The following CSMD3 variants were observed in gnomAD, a reference collection of about 807,000 sequenced individuals.
The protein encoded by CSMD3 is CUB and Sushi multiple domains 3, also known as CUB and sushi domain-containing protein 3.
Under a neutral mutation model 435.2 loss-of-function variants are expected in CSMD3, and 177 were observed. The ratio of observed to expected loss-of-function variants is 0.41; its 90% confidence interval spans 0.36 to 0.46. CSMD3 has a LOEUF of 0.46. Ranked by LOEUF, CSMD3 falls within the 20% of genes least tolerant of loss-of-function variation. The probability of loss-of-function intolerance (pLI) is 0.34; values close to 1 mark genes in which losing one functional copy is unlikely to be tolerated. For missense variants in CSMD3, 4,265 were observed against 4,504.6 expected (o/e 0.95, Z 1.52); for synonymous variants, 1,656 against 1,520.5 (o/e 1.09, Z -2.07).
intron 24 of CSMD3, among the ~76,000 whole-genome samples, chr8:112,566,250 A>G (rs1487143204): frequency 1.1e-4 from 16 of 152,036 alleles, no homozygotes; most frequent in Non-Finnish European, 2.9e-5. Flanking sequence ...CTTGTTAGCT[A>G]TGTGACCTTG....
chr8:113,380,795 C>T (rs1450290359), intron 1 of CSMD3, among the ~76,000 whole-genome samples: 1 of 152,160 alleles, frequency 6.6e-6, no homozygotes, highest in East Asian at 1.9e-4. Flanking sequence ...TAGTCTCCTG[C>T]TGTCTTTGAT....
At position 113,271,985 on chromosome 8, in the gene CSMD3, C is replaced by G. The variant is rs1001066273; in HGVS notation, c.514+6607G>C. Among the ~76,000 whole-genome samples, 3 of 152,262 alleles carry G rather than the reference C, an allele frequency of 2.0e-5. No homozygotes were observed. In the East Asian group the frequency reaches 5.8e-4, roughly 29 times the overall value. On this transcript the variant is annotated intron_variant, in intron 3 of 70. Coordinates refer to ENST00000297405, the MANE Select transcript of CSMD3 (RefSeq NM_198123.2). ...ATCATTTTCGAACTTTCAAATTTGA[C>G]TGCCCCACAGGATTTCAGACTTGCA...
chr8:113,100,191 C>T (rs1341181986), intron 4 of CSMD3, among the ~76,000 whole-genome samples: 2 of 151,998 alleles, frequency 1.3e-5, no homozygotes, highest in Admixed American at 6.6e-5. Context: ...TAAGTATGTT[C>T]GTCTTAAAAT....
At chr8:113,096,541 A>G (rs771846844) in intron 5 of CSMD3, among the ~76,000 whole-genome samples, 6 of 151,994 alleles carry the variant, frequency 3.9e-5, no homozygotes, top group African/African-American at 2.4e-5. Context: ...TATTCTCCAC[A>G]CGGTAGCCAC....
intron 38 of CSMD3, among the ~76,000 whole-genome samples, chr8:112,368,900 G>C (rs1204289745): frequency 6.6e-6 from 1 of 152,098 alleles, no homozygotes; most frequent in Non-Finnish European, 1.5e-5. Context: ...ATACCTCTAT[G>C]AAACATTTAG....
At chr8:113,094,473 T>G (rs188560196) in intron 5 of CSMD3, among the ~76,000 whole-genome samples, 347 of 152,292 alleles carry the variant, frequency 2.3e-3, no homozygotes, top group African/African-American at 8.0e-3. Flanking sequence ...TCATTAATTT[T>G]TCAATGTCTG....
At chr8:112,596,936 C>T (rs1020487968) in intron 22 of CSMD3, among the ~76,000 whole-genome samples, 1 of 151,542 alleles carries the variant, frequency 6.6e-6, no homozygotes, top group African/African-American at 2.4e-5. Flanking sequence ...AATTGACACC[C>T]TAACATCACA....
Position 112,224,772 on chromosome 8 carries a change from T to C in CSMD3, c.11123A>G (p.Ter3708=), listed in dbSNP as rs766437541. The change falls in exon 71 of 71, where the codon TAA becomes TGA. Residue 3708 remains the stop codon, a stop_retained_variant. Transcript: ENST00000297405. Reference sequence around the variant, plus strand: ...CTGAAGAAGGCAAAGGTTGCCTCGTTATACCATTGTGCAAACCGTGTTCAA... The same window carrying C: ...CTGAAGAAGGCAAAGGTTGCCTCGTCATACCATTGTGCAAACCGTGTTCAA... ...PNLNTVCTMV[*] The C allele has an allele frequency of 5.0e-6, 8 of 1,614,064 alleles. No homozygotes were observed. The South Asian group carries it at 6.6e-5, about 13-fold the overall frequency.
intron 31 of CSMD3, among the ~76,000 whole-genome samples, chr8:112,483,099 G>T (rs954097982): frequency 1.3e-5 from 2 of 152,084 alleles, no homozygotes; most frequent in African/African-American, 4.8e-5. Context: ...TCTTGCTATT[G>T]ACTAAATACA....
intron 22 of CSMD3, among the ~76,000 whole-genome samples, chr8:112,615,005 G>GAAA (rs36049852): frequency 6.6e-6 from 1 of 150,608 alleles, no homozygotes; most frequent in African/African-American, 2.4e-5. Flanking sequence ...GACATAACAA[G>GAAA]AAAAAAAAAC....
chr8:112,598,885 C>G (rs1277066730), intron 22 of CSMD3, among the ~76,000 whole-genome samples: 1 of 152,094 alleles, frequency 6.6e-6, no homozygotes, highest in Non-Finnish European at 1.5e-5. Context: ...GGATTAAAGA[C>G]TTAAACGTTA....
intron 13 of CSMD3, among the ~76,000 whole-genome samples, chr8:112,713,331 G>A (rs1284779403): frequency 6.6e-6 from 1 of 151,404 alleles, no homozygotes; most frequent in Non-Finnish European, 1.5e-5. Context: ...CCATCTTGCT[G>A]AAATAAGGCA....
chr8:112,314,710 A>C (rs1563777586), intron 47 of CSMD3, 93 bp from the exon 48 acceptor site: 2 of 826,656 alleles, frequency 2.4e-6, no homozygotes, highest in Non-Finnish European at 4.1e-6. Context: ...TTTCATGTTC[A>C]ATAGCTATAA....
Position 112,677,365 on chromosome 8 carries a change from G to T in CSMD3, c.2677+5077C>A, listed in dbSNP as rs547988571. On this transcript the variant is annotated intron_variant, in intron 16 of 70. Coordinates refer to ENST00000297405, the MANE Select transcript of CSMD3 (RefSeq NM_198123.2). The stretch of plus-strand genomic sequence containing the variant: ...GAAGGGGGAAAAGATGGCCTAGAAA[G>T]GTATTTGAGAAGCCTTCTGTTTACT... Among the ~76,000 whole-genome samples, 13 of 150,922 alleles carry T rather than the reference G, an allele frequency of 8.6e-5. No individual in the cohort carries two copies. The East Asian group carries it at 2.0e-3, about 23-fold the overall frequency.
chr8:112,692,366 A>G lies in CSMD3; in HGVS notation c.1973-2316T>C, dbSNP rs192861201. ...TTGGTTTACTTTGTAACTCATAAAT[A>G]ATGTCTGAGTGTTTTAAAATTTATG... On this transcript the variant is annotated intron_variant, in intron 13 of 70. Transcript: ENST00000297405. 4.3e-4 allele frequency among the ~76,000 whole-genome samples: 66 copies of G among 152,262 alleles called. 1 individual carries two copies. Among genetic ancestry groups the G allele is most frequent in the Admixed American group, 3.9e-3 (59 of 15,286 alleles).
At chr8:112,600,535 T>A (rs1393957573) in intron 22 of CSMD3, among the ~76,000 whole-genome samples, 1 of 152,206 alleles carries the variant, frequency 6.6e-6, no homozygotes, top group Non-Finnish European at 1.5e-5. Flanking sequence ...ATTTTATACA[T>A]TTTTGTGATG....
chr8:112,309,505 C>A (rs1187746859), intron 50 of CSMD3, among the ~76,000 whole-genome samples: 1 of 151,874 alleles, frequency 6.6e-6, no homozygotes, highest in African/African-American at 2.4e-5. Context: ...ATCAAAGATT[C>A]TTTCCCAAAT....
intron 22 of CSMD3, among the ~76,000 whole-genome samples, chr8:112,627,705 T>C (rs528880561): frequency 1.5e-4 from 23 of 152,280 alleles, no homozygotes; most frequent in African/African-American, 5.5e-4. Flanking sequence ...GATTTGAGAT[T>C]TTAATAACAT....
intron 10 of CSMD3, among the ~76,000 whole-genome samples, chr8:112,907,180 G>A (rs962327383): frequency 2.6e-5 from 4 of 151,340 alleles, no homozygotes; most frequent in Non-Finnish European, 5.9e-5. Flanking sequence ...GGGTTTAGGT[G>A]GCACAGAAAA....
Sources: gnomAD v4.1 joint callset for allele counts (sites outside exome capture counted in the v4.1 genomes callset) on GRCh38, gnomAD v4.1.1 for gene constraint, MANE v1.5 for transcripts, NCBI Gene and HGNC (gene_info 2026-07-23, HGNC 2026-07-21) for gene names.